The following FBXO10 variants were observed in gnomAD, a reference collection of about 807,000 sequenced individuals.
FBXO10 encodes F-box only protein 10.
A neutral mutation model predicts 80.7 loss-of-function variants in FBXO10; 39 were observed. The ratio of observed to expected loss-of-function variants is 0.48; its 90% CI spans 0.37 to 0.63. The LOEUF (loss-of-function observed/expected upper bound fraction) is 0.63, where lower values mean the gene tolerates loss of function less well. FBXO10 is among the 30% of genes least tolerant of loss of function. The pLI, the probability that FBXO10 is intolerant of heterozygous loss-of-function variation, is 0.00. For synonymous variants in FBXO10, 449 were observed against 489.6 expected (o/e 0.92, Z 1.09); for missense variants, 1,025 against 1,269.0 (o/e 0.81, Z 2.92).
rs1222764772 is a variant in FBXO10 at position 37,541,298 on chromosome 9, C to G, written c.471G>C (p.Gly157=). The change falls in exon 2 of 11, where the codon GGG becomes GGC. Residue 157 remains glycine (G), a synonymous_variant. Transcript: ENST00000432825. Reference sequence around the variant, plus strand: ...GGGCCACTTCACCCAACTTCCCCTGCCCTACAATCTCCACAGGCACCTTCA... The same window carrying G: ...GGGCCACTTCACCCAACTTCCCCTGGCCTACAATCTCCACAGGCACCTTCA... ...IILKVPVEIV[G]QGKLGEVALL... 2 of 1,613,996 alleles carry G rather than the reference C, an allele frequency of 1.2e-6. No individual in the cohort carries two copies. The highest frequency in any genetic ancestry group is 3.3e-4 in the Middle Eastern group (2 of 6,062).
intron 3 of FBXO10, among the ~76,000 whole-genome samples, chr9:37,535,324 A>T (rs1821730299): frequency 6.6e-6 from 1 of 152,042 alleles, no homozygotes; most frequent in African/African-American, 2.4e-5. Context: ...ATAAAGAAGA[A>T]AATCACAGTC....
At chr9:37,543,304 G>T (rs542293940) in intron 1 of FBXO10, among the ~76,000 whole-genome samples, 13 of 152,254 alleles carry the variant, frequency 8.5e-5, no homozygotes, top group African/African-American at 2.9e-4. Context: ...AAGGATCCCC[G>T]ACCTCTTGAC....
chr9:37,526,769 C>G (rs1288680571), intron 5 of FBXO10, among the ~76,000 whole-genome samples: 1 of 151,958 alleles, frequency 6.6e-6, no homozygotes, highest in Non-Finnish European at 1.5e-5. Flanking sequence ...ACTCTGACTT[C>G]TGCTTCTGTC....
At chr9:37,572,825 G>T (rs961959193) in intron 1 of FBXO10, among the ~76,000 whole-genome samples, 3 of 152,078 alleles carry the variant, frequency 2.0e-5, no homozygotes, top group Admixed American at 1.3e-4. Flanking sequence ...ATGCATATTT[G>T]CTGTATTTCA....
At chr9:37,543,555 C>T (rs1389808727) in intron 1 of FBXO10, among the ~76,000 whole-genome samples, 1 of 152,102 alleles carries the variant, frequency 6.6e-6, no homozygotes, top group Non-Finnish European at 1.5e-5. Context: ...ATTAGAGACA[C>T]AGAAAAAAGC....
chr9:37,547,026 T>C (rs918274472), intron 1 of FBXO10, among the ~76,000 whole-genome samples: 7 of 152,212 alleles, frequency 4.6e-5, no homozygotes, highest in Non-Finnish European at 7.3e-5. Context: ...TACAGTTAAA[T>C]GCATACCTAT....
intron 3 of FBXO10, 139 bp from the exon 4 acceptor site, chr9:37,532,197 G>A (rs1821644590): frequency 2.3e-6 from 2 of 884,680 alleles, no homozygotes; most frequent in Non-Finnish European, 1.7e-6. Flanking sequence ...CTCAATGCTG[G>A]CACAGCCACG....
chr9:37,556,160 A>C (rs1279865062), intron 1 of FBXO10, among the ~76,000 whole-genome samples: 1 of 152,050 alleles, frequency 6.6e-6, no homozygotes, highest in Non-Finnish European at 1.5e-5. Flanking sequence ...TTATTTCTGG[A>C]CTATTTGTTT....
At chr9:37,533,298 C>T (rs1044250399) in intron 3 of FBXO10, among the ~76,000 whole-genome samples, 1 of 152,190 alleles carries the variant, frequency 6.6e-6, no homozygotes, top group East Asian at 1.9e-4. Context: ...GTAATCTCAG[C>T]ACTTTGGGAG....
chr9:37,515,673 G>A, intron 10 of FBXO10: 1 of 449,836 alleles, frequency 2.2e-6, no homozygotes, highest in South Asian at 4.0e-5. Context: ...AACCTGCAGA[G>A]CTGAGATCTG....
intron 1 of FBXO10, among the ~76,000 whole-genome samples, chr9:37,544,981 G>A (rs1169728882): frequency 1.4e-4 from 16 of 115,158 alleles, no homozygotes; most frequent in Non-Finnish European, 2.8e-4. Context: ...GCGACAGAGC[G>A]AGACTCTCTC....
At chr9:37,571,235 G>A (rs1158593499) in intron 1 of FBXO10, among the ~76,000 whole-genome samples, 3 of 152,130 alleles carry the variant, frequency 2.0e-5, no homozygotes, top group Admixed American at 1.3e-4. Context: ...AATGGATGGT[G>A]GAAGAGGATG....
intron 1 of FBXO10, among the ~76,000 whole-genome samples, chr9:37,561,134 T>G (rs1822468177): frequency 6.7e-6 from 1 of 149,614 alleles, no homozygotes; most frequent in African/African-American, 2.5e-5. Context: ...AGAGCAAGAC[T>G]CCGTCTCAAA....
intron 1 of FBXO10, among the ~76,000 whole-genome samples, chr9:37,565,907 T>G (rs1220113892): frequency 2.0e-5 from 3 of 152,078 alleles, no homozygotes; most frequent in African/African-American, 7.2e-5. Context: ...GCTCCTGAGG[T>G]AGAAAACCTT....
intron 1 of FBXO10, among the ~76,000 whole-genome samples, chr9:37,555,905 TTTG>T (rs1588853880): frequency 6.6e-6 from 1 of 152,204 alleles, no homozygotes; most frequent in African/African-American, 2.4e-5. Flanking sequence ...CTGAGAAAGC[TTTG>T]TTAATTCCTA....
intron 4 of FBXO10, 57 bp downstream of exon 4, chr9:37,531,852 C>A: frequency 6.3e-7 from 1 of 1,596,294 alleles, no homozygotes; most frequent in Non-Finnish European, 8.6e-7. Context: ...TAAATATCCT[C>A]ACAAATGGTT....
rs1821041390 is a variant in FBXO10 at position 37,511,084 on chromosome 9, G to C, written c.*1463C>G. On this transcript the variant is annotated 3_prime_UTR_variant, in exon 11 of 11. Transcript: ENST00000432825. ...AGTACTCTTGTGCCCAGTGTTCTCA[G>C]GGAGAACCCAGTGCTCCTGGCTCCC... 1.3e-5 allele frequency: 2 copies of C among 152,726 alleles called. No individual in the cohort carries two copies. The highest frequency in any genetic ancestry group is 2.1e-4 in the South Asian group (1 of 4,832). 9.5% of individuals were successfully genotyped at this position (152,726 alleles called of 1,614,324 possible).
chr9:37,538,986 G>A (rs1564343325), intron 2 of FBXO10, among the ~76,000 whole-genome samples: 1 of 152,122 alleles, frequency 6.6e-6, no homozygotes, highest in Non-Finnish European at 1.5e-5. Context: ...TTGGCTCTGT[G>A]GGCCCAACTG....
chr9:37,572,167 G>C (rs972124247), intron 1 of FBXO10, among the ~76,000 whole-genome samples: 32 of 152,090 alleles, frequency 2.1e-4, no homozygotes, highest in African/African-American at 6.0e-4. Context: ...GAGTAACCAA[G>C]GAGAGCAAGT....
Sources: gnomAD v4.1 joint callset for allele counts (sites outside exome capture counted in the v4.1 genomes callset) on GRCh38, gnomAD v4.1.1 for gene constraint, MANE v1.5 for transcripts, NCBI Gene and HGNC (gene_info 2026-07-23, HGNC 2026-07-21) for gene names.